Variants in SLC24A2 observed in about 807,000 individuals in gnomAD.
SLC24A2 encodes the protein sodium/potassium/calcium exchanger 2.
SLC24A2 carries 36 observed loss-of-function variants against 62.0 expected under a neutral mutation model. That is an observed-to-expected ratio of 0.58 (90% CI 0.44 to 0.77). The LOEUF (loss-of-function observed/expected upper bound fraction) is 0.77, where lower values mean the gene tolerates loss of function less well. Among genes scored for constraint, SLC24A2 ranks in the 30% least tolerant of loss-of-function variants. SLC24A2 has a pLI of 0.00. For missense variants in SLC24A2, 846 were observed against 817.9 expected (o/e 1.03, Z -0.42); for synonymous variants, 358 against 294.0 (o/e 1.22, Z -2.23).
intron 7 of SLC24A2, among the ~76,000 whole-genome samples, chr9:19,560,914 TATAGAGAGAGAGAGAG>T (rs1243161774): frequency 5.6e-5 from 6 of 106,412 alleles, no homozygotes; most frequent in South Asian, 6.2e-4. Context: ...TATATATATA[TATAGAGAGAGAGAGAG>T]AGAGAGAGAG....
At chr9:19,889,467 C>G in the SLC24A2 span, among the ~76,000 whole-genome samples, 2 of 114,858 alleles carry the variant, frequency 1.7e-5, no homozygotes, top group East Asian at 6.9e-4. Context: ...CTTAGTAGTT[C>G]CAAAACAGTC....
the SLC24A2 span, among the ~76,000 whole-genome samples, chr9:19,798,914 A>G: frequency 1.3e-5 from 2 of 152,030 alleles, no homozygotes; most frequent in Non-Finnish European, 2.9e-5. Flanking sequence ...TAGTTGTATC[A>G]TCTTCTTCGG....
At chr9:19,768,306 T>A (rs896599336) in intron 2 of SLC24A2, among the ~76,000 whole-genome samples, 1 of 152,202 alleles carries the variant, frequency 6.6e-6, no homozygotes, top group African/African-American at 2.4e-5. Context: ...TTGAACCCAC[T>A]TGGCCAGGTT....
At chr9:20,274,280 T>C in the SLC24A2 span, among the ~76,000 whole-genome samples, 21 of 152,254 alleles carry the variant, frequency 1.4e-4, no homozygotes, top group Non-Finnish European at 2.4e-4. Flanking sequence ...CCTGCTCTTC[T>C]ACATAGAGTG....
intron 2 of SLC24A2, among the ~76,000 whole-genome samples, chr9:19,676,584 G>A (rs971068622): frequency 6.6e-6 from 1 of 152,082 alleles, no homozygotes; most frequent in Non-Finnish European, 1.5e-5. Flanking sequence ...TATATGGTAG[G>A]AGAAGTTCTT....
chr9:19,903,100 G>A, the SLC24A2 span, among the ~76,000 whole-genome samples: 19 of 151,510 alleles, frequency 1.3e-4, no homozygotes, highest in Non-Finnish European at 2.5e-4. Context: ...CAGATCGAGT[G>A]CCAGACCTTG....
At position 19,624,619 on chromosome 9, in the gene SLC24A2, T is replaced by A. The variant is rs370435261; in HGVS notation, c.931-2320A>T. Among the ~76,000 whole-genome samples, 23 of 152,148 alleles carry A rather than the reference T, an allele frequency of 1.5e-4. 2 individuals are homozygous for A. The highest frequency in any genetic ancestry group is 1.3e-3 in the East Asian group (7 of 5,194). On this transcript the variant is annotated intron_variant, in intron 2 of 10. Transcript: ENST00000341998. ...CAGGCCTGAAATTCTCTATAAAATATCCCACTGTTTAATGTCTGCAGTTGA... is the reference window on the plus strand; with the variant it reads ...CAGGCCTGAAATTCTCTATAAAATAACCCACTGTTTAATGTCTGCAGTTGA...
At chr9:20,015,573 T>C in the SLC24A2 span, among the ~76,000 whole-genome samples, 7 of 152,194 alleles carry the variant, frequency 4.6e-5, no homozygotes, top group Non-Finnish European at 2.9e-5. Flanking sequence ...TCCCTGACCA[T>C]ACAGAGAAGA....
At chr9:20,161,650 C>A in the SLC24A2 span, among the ~76,000 whole-genome samples, 1 of 151,082 alleles carries the variant, frequency 6.6e-6, no homozygotes, top group Non-Finnish European at 1.5e-5. Context: ...AAGTTTTTGA[C>A]AAATTTGACA....
intron 4 of SLC24A2, among the ~76,000 whole-genome samples, chr9:19,617,221 G>T (rs529163437): frequency 6.6e-6 from 1 of 152,164 alleles, no homozygotes; most frequent in East Asian, 1.9e-4. Flanking sequence ...GTTCGCAATA[G>T]GGTTCGGCCC....
chr9:19,641,566 G>A (rs1236633428), intron 2 of SLC24A2, among the ~76,000 whole-genome samples: 1 of 149,498 alleles, frequency 6.7e-6, no homozygotes, highest in African/African-American at 2.5e-5. Context: ...CCAGGCTGGA[G>A]TGCAGTGGTG....
the SLC24A2 span, among the ~76,000 whole-genome samples, chr9:19,973,992 T>C: frequency 6.6e-6 from 1 of 152,186 alleles, no homozygotes; most frequent in African/African-American, 2.4e-5. Flanking sequence ...TCATTAAATT[T>C]GTGATCTATT....
the SLC24A2 span, among the ~76,000 whole-genome samples, chr9:20,116,019 T>C: frequency 6.6e-6 from 1 of 152,182 alleles, no homozygotes; most frequent in Non-Finnish European, 1.5e-5. Flanking sequence ...ATTCTGCCAT[T>C]GTCCATTTCT....
the SLC24A2 span, among the ~76,000 whole-genome samples, chr9:20,170,022 T>C: frequency 4.6e-5 from 7 of 151,464 alleles, no homozygotes; most frequent in South Asian, 1.0e-3. Flanking sequence ...GGCACACTTA[T>C]AGAAATGCAA....
chr9:20,050,949 A>G, the SLC24A2 span, among the ~76,000 whole-genome samples: 2 of 152,220 alleles, frequency 1.3e-5, no homozygotes, highest in African/African-American at 4.8e-5. Flanking sequence ...AAAAAGTTAA[A>G]TAATCAAAAT....
chr9:20,074,856 T>C, the SLC24A2 span, among the ~76,000 whole-genome samples: 1 of 152,154 alleles, frequency 6.6e-6, no homozygotes, highest in African/African-American at 2.4e-5. Flanking sequence ...ATTTGCCTTC[T>C]CTTGGAAATC....
intron 2 of SLC24A2, among the ~76,000 whole-genome samples, chr9:19,733,249 G>T (rs925760946): frequency 6.6e-6 from 1 of 152,102 alleles, no homozygotes; most frequent in African/African-American, 2.4e-5. Context: ...GAACAATTCG[G>T]TATACCTGTT....
intron 4 of SLC24A2, among the ~76,000 whole-genome samples, chr9:19,605,728 A>G (rs767435343): frequency 2.6e-5 from 4 of 152,244 alleles, no homozygotes; most frequent in Admixed American, 6.5e-5. Flanking sequence ...CCTACAGAGA[A>G]CTAATGATGT....
rs1475732124 is a variant in SLC24A2 at position 19,672,155 on chromosome 9, A to T, written c.931-49856T>A. ...TACCAGTTCTTTGAATGTCTGATAGAATTCAGCTGTGAATCCTGGACTTTT... is the reference window on the plus strand; with the variant it reads ...TACCAGTTCTTTGAATGTCTGATAGTATTCAGCTGTGAATCCTGGACTTTT... On this transcript the variant is annotated intron_variant, in intron 2 of 10. Coordinates refer to ENST00000341998, the MANE Select transcript of SLC24A2 (RefSeq NM_020344.4). Among the ~76,000 whole-genome samples the T allele has an allele frequency of 1.4e-4, 20 of 146,476 alleles. 2 individuals are homozygous for T. The highest frequency in any genetic ancestry group is 3.0e-4 in the Non-Finnish European group (20 of 67,424).
Sources: gnomAD v4.1 joint callset for allele counts (sites outside exome capture counted in the v4.1 genomes callset) on GRCh38, gnomAD v4.1.1 for gene constraint, MANE v1.5 for transcripts, NCBI Gene and HGNC (gene_info 2026-07-23, HGNC 2026-07-21) for gene names.